IL1RAPL1: variants seen among roughly 807,000 people sequenced by gnomAD.
IL1RAPL1 encodes the protein interleukin 1 receptor accessory protein like 1.
In IL1RAPL1, 3 loss-of-function variants were observed where a neutral mutation model predicts 48.4. That is an observed-to-expected ratio of 0.06 (90% CI 0.03 to 0.16). IL1RAPL1 has a LOEUF of 0.16. IL1RAPL1 is among the 10% of genes least tolerant of loss of function. IL1RAPL1 has a pLI of 1.00. For synonymous variants in IL1RAPL1, 185 were observed against 187.7 expected (o/e 0.99, Z 0.12); for missense variants, 349 against 530.6 (o/e 0.66, Z 3.36).
At chrX:28,805,849 A>G (rs891297590) in intron 2 of IL1RAPL1, among the ~76,000 whole-genome samples, 1 of 110,317 alleles carries the variant, frequency 9.1e-6, no homozygotes, top group Non-Finnish European at 1.9e-5. Context: ...TTTTATATGT[A>G]TACATATATG....
chrX:29,342,138 G>T (rs1331182696), intron 3 of IL1RAPL1, among the ~76,000 whole-genome samples: 5 of 99,753 alleles, frequency 5.0e-5, no homozygotes, highest in African/African-American at 2.1e-4. Flanking sequence ...GTGTGTGTGT[G>T]TGTGTGTGTG....
At chrX:29,801,977 ATGAAT>A (rs202101657) in intron 6 of IL1RAPL1, among the ~76,000 whole-genome samples, 1,491 of 112,677 alleles carry the variant, frequency 0.013, 25 homozygotes, top group African/African-American at 0.046. Context: ...TATTGATATA[ATGAAT>A]TGAATGGTTT....
intron 6 of IL1RAPL1, among the ~76,000 whole-genome samples, chrX:29,891,225 T>A (rs1183901087): frequency 9.5e-6 from 1 of 105,770 alleles, no homozygotes; most frequent in Non-Finnish European, 1.9e-5. Context: ...ACTATTCAAA[T>A]CAAATAATTA....
At chrX:29,444,962 T>C (rs7882124) in intron 5 of IL1RAPL1, among the ~76,000 whole-genome samples, 4,745 of 111,783 alleles carry the variant, frequency 0.042, 284 homozygotes, top group African/African-American at 0.15. Context: ...ACCATGAACA[T>C]TAATTGGGGT....
In IL1RAPL1 at chrX:28,963,341, T is replaced by C. The variant is rs183905551; in HGVS notation, c.82+173916T>C. On this transcript the variant is annotated intron_variant, in intron 2 of 10. Coordinates refer to ENST00000378993, the MANE Select transcript of IL1RAPL1 (RefSeq NM_014271.4). ...ATTTTTGGTTGTATTTCATAAATAT[T>C]GCCTTAATAAAGATGATCTCTATTT... Among the ~76,000 whole-genome samples the C allele has an allele frequency of 4.2e-4, 47 of 111,599 alleles. 1 individual carries two copies. Among genetic ancestry groups the C allele is most frequent in the Admixed American group, 4.8e-4 (5 of 10,386 alleles).
intron 6 of IL1RAPL1, among the ~76,000 whole-genome samples, chrX:29,757,572 C>T (rs1244940423): frequency 8.9e-6 from 1 of 112,032 alleles, no homozygotes; most frequent in Non-Finnish European, 1.9e-5. Context: ...CGGTATGTGA[C>T]TCAAGTGATA....
At chrX:29,776,664 G>A (rs1242566694) in intron 6 of IL1RAPL1, among the ~76,000 whole-genome samples, 2 of 111,883 alleles carry the variant, frequency 1.8e-5, no homozygotes, top group Non-Finnish European at 3.8e-5. Context: ...AAGGATACTT[G>A]GAGAAACCTG....
chrX:29,648,101 G>A (rs946933056), intron 5 of IL1RAPL1, among the ~76,000 whole-genome samples: 7 of 111,936 alleles, frequency 6.3e-5, no homozygotes, highest in African/African-American at 2.3e-4. Flanking sequence ...AGGATGTAAT[G>A]ATTATAGACA....
At chrX:28,600,333 G>C (rs780306706) in intron 1 of IL1RAPL1, among the ~76,000 whole-genome samples, 1 of 111,576 alleles carries the variant, frequency 9.0e-6, no homozygotes, top group Admixed American at 9.5e-5. Flanking sequence ...TAGTTACTCT[G>C]TTGTAAGTTA....
intron 1 of IL1RAPL1, among the ~76,000 whole-genome samples, chrX:28,742,420 A>G (rs1935920551): frequency 9.0e-6 from 1 of 111,645 alleles, no homozygotes; most frequent in African/African-American, 3.2e-5. Context: ...TAATAGGAAT[A>G]CAAAGATGAA....
chrX:28,766,207 A>G (rs142781805), intron 1 of IL1RAPL1, among the ~76,000 whole-genome samples: 2,814 of 111,104 alleles, frequency 0.025, 97 homozygotes, highest in African/African-American at 0.087. Context: ...AGGAACATAA[A>G]GAGAAAAGGG....
At chrX:29,317,264 A>T (rs1042948065) in intron 3 of IL1RAPL1, among the ~76,000 whole-genome samples, 2 of 111,996 alleles carry the variant, frequency 1.8e-5, no homozygotes, top group African/African-American at 6.5e-5. Flanking sequence ...AATATGCAAC[A>T]TATGTTGCCA....
intron 2 of IL1RAPL1, among the ~76,000 whole-genome samples, chrX:28,967,052 A>G (rs1601982576): frequency 8.9e-6 from 1 of 112,098 alleles, no homozygotes; most frequent in African/African-American, 3.2e-5. Flanking sequence ...ACAATGACCA[A>G]TGGGCAAAAG....
chrX:29,261,689 C>T (rs1435804784), intron 2 of IL1RAPL1, among the ~76,000 whole-genome samples: 2 of 110,693 alleles, frequency 1.8e-5, no homozygotes, highest in Non-Finnish European at 3.8e-5. Flanking sequence ...CCCAGGCACA[C>T]GGAGCAGACA....
intron 6 of IL1RAPL1, among the ~76,000 whole-genome samples, chrX:29,860,299 A>G (rs945868717): frequency 1.8e-5 from 2 of 112,283 alleles, no homozygotes; most frequent in Non-Finnish European, 3.8e-5. Context: ...CTCTAGTAGC[A>G]TATGATGCGG....
chrX:29,296,408 A>C (rs1482952681), intron 3 of IL1RAPL1, among the ~76,000 whole-genome samples: 1 of 111,504 alleles, frequency 9.0e-6, no homozygotes, highest in African/African-American at 3.3e-5. Context: ...GTAAGAGCCA[A>C]AAGTATCCCT....
chrX:29,269,253 A>G (rs1338408846), intron 2 of IL1RAPL1, among the ~76,000 whole-genome samples: 1 of 112,035 alleles, frequency 8.9e-6, no homozygotes, highest in African/African-American at 3.2e-5. Context: ...CTGTAAAGAT[A>G]ATCTCACTGG....
chrX:28,728,553 G>A (rs191549739), intron 1 of IL1RAPL1, among the ~76,000 whole-genome samples: 2 of 111,482 alleles, frequency 1.8e-5, no homozygotes, highest in East Asian at 5.6e-4. Flanking sequence ...TTCCAGGAAA[G>A]GGAAACTCCA....
chrX:29,915,943 C>T (rs1478335322), intron 6 of IL1RAPL1, among the ~76,000 whole-genome samples: 1 of 81,462 alleles, frequency 1.2e-5, no homozygotes, highest in Non-Finnish European at 2.3e-5. Flanking sequence ...TATTCCCCTT[C>T]CTGTGTCCAT....
Sources: allele counts gnomAD v4.1 joint callset (sites outside exome capture counted in the v4.1 genomes callset), GRCh38; gene constraint gnomAD v4.1.1; transcripts MANE v1.5; gene names NCBI Gene and HGNC (gene_info 2026-07-23, HGNC 2026-07-21).